Variants in ITPKB observed in about 807,000 individuals in gnomAD.
ITPKB encodes IP3 3-kinase B.
ITPKB carries 13 observed loss-of-function variants against 69.4 expected under a neutral mutation model. The observed-to-expected ratio is 0.19, with a 90% CI of 0.12 to 0.30. The LOEUF is 0.30. Ranked by LOEUF, ITPKB falls within the 10% of genes least tolerant of loss-of-function variation. The pLI, the probability that ITPKB is intolerant of heterozygous loss-of-function variation, is 1.00. For missense variants in ITPKB, 1,240 were observed against 1,250.5 expected (o/e 0.99, Z 0.13); for synonymous variants, 584 against 513.7 (o/e 1.14, Z -1.85).
At chr1:226,652,285 A>G (rs1669210236) in intron 2 of ITPKB, among the ~76,000 whole-genome samples, 1 of 152,178 alleles carries the variant, frequency 6.6e-6, no homozygotes, top group African/African-American at 2.4e-5. Context: ...ATGGTCGGGG[A>G]GACCACAGCA....
intron 2 of ITPKB, among the ~76,000 whole-genome samples, chr1:226,674,249 G>A (rs945756296): frequency 2.6e-5 from 4 of 152,196 alleles, no homozygotes; most frequent in Non-Finnish European, 5.9e-5. Flanking sequence ...GCCCAGGCTG[G>A]AGGGCAGTGG....
In ITPKB at chr1:226,732,190, A is replaced by G. The variant is rs555667336; in HGVS notation, c.1932+3337T>C. 1.1e-4 allele frequency among the ~76,000 whole-genome samples: 16 copies of G among 150,126 alleles called. No individual in the cohort carries two copies. In the South Asian group the frequency reaches 1.7e-3, roughly 16 times the overall value. On this transcript the variant is annotated intron_variant, in intron 2 of 7. Coordinates refer to ENST00000429204, the MANE Select transcript of ITPKB (RefSeq NM_002221.4). ...ACCATGAAGCCAAGGGTTTTGTATTACACTTCTTTATACACCCCACAGGTA... is the reference window on the plus strand; with the variant it reads ...ACCATGAAGCCAAGGGTTTTGTATTGCACTTCTTTATACACCCCACAGGTA...
intron 2 of ITPKB, among the ~76,000 whole-genome samples, chr1:226,664,386 C>A (rs1262684282): frequency 6.6e-6 from 1 of 152,204 alleles, no homozygotes. Flanking sequence ...TGAACGAGAG[C>A]CCCTGACCAT....
chr1:226,711,647 C>T (rs1656963341), intron 2 of ITPKB, among the ~76,000 whole-genome samples: 1 of 152,134 alleles, frequency 6.6e-6, no homozygotes, highest in Non-Finnish European at 1.5e-5. Context: ...AAATGGAAAC[C>T]TCCCAACCTG....
intron 2 of ITPKB, among the ~76,000 whole-genome samples, chr1:226,729,653 A>G (rs1167314203): frequency 6.6e-6 from 1 of 151,812 alleles, no homozygotes; most frequent in Non-Finnish European, 1.5e-5. Flanking sequence ...ATCTCGGCTC[A>G]CTGCAACCTC....
chr1:226,689,250 C>T (rs1439567580), intron 2 of ITPKB, among the ~76,000 whole-genome samples: 1 of 152,236 alleles, frequency 6.6e-6, no homozygotes, highest in Non-Finnish European at 1.5e-5. Context: ...ATTTACCCAT[C>T]CAAATAAATA....
intron 2 of ITPKB, among the ~76,000 whole-genome samples, chr1:226,718,184 C>T (rs1657140729): frequency 6.6e-6 from 1 of 151,124 alleles, no homozygotes; most frequent in Non-Finnish European, 1.5e-5. Flanking sequence ...GTCCCAGCTA[C>T]TTGGGAGGCT....
chr1:226,722,578 T>C (rs939460603), intron 2 of ITPKB, among the ~76,000 whole-genome samples: 4 of 152,214 alleles, frequency 2.6e-5, no homozygotes, highest in Admixed American at 2.0e-4. Context: ...CCATTCTGTG[T>C]ATATTTCCAG....
intron 2 of ITPKB, among the ~76,000 whole-genome samples, chr1:226,719,757 C>T (rs780834328): frequency 1.8e-4 from 27 of 152,178 alleles, no homozygotes; most frequent in South Asian, 4.1e-4. Context: ...GCAAGCCCCA[C>T]GCAGCACAGA....
At chr1:226,671,772 G>A (rs77320515) in intron 2 of ITPKB, among the ~76,000 whole-genome samples, 4 of 152,280 alleles carry the variant, frequency 2.6e-5, no homozygotes, top group East Asian at 3.9e-4. Flanking sequence ...CAGAGGGAGC[G>A]GTCAAGTGCA....
intron 2 of ITPKB, among the ~76,000 whole-genome samples, chr1:226,673,508 T>C (rs1445366318): frequency 2.0e-5 from 3 of 152,156 alleles, no homozygotes; most frequent in African/African-American, 7.2e-5. Context: ...GGCAACTAGG[T>C]GGTGGTACCA....
At chr1:226,675,500 G>C (rs976135522) in intron 2 of ITPKB, among the ~76,000 whole-genome samples, 16 of 152,194 alleles carry the variant, frequency 1.1e-4, no homozygotes, top group Non-Finnish European at 1.8e-4. Context: ...GAACTTGCAA[G>C]GAGCTGTGGG....
chr1:226,723,042 G>A (rs1274217799), intron 2 of ITPKB, among the ~76,000 whole-genome samples: 1 of 152,100 alleles, frequency 6.6e-6, no homozygotes, highest in Non-Finnish European at 1.5e-5. Context: ...GGATGCCCAG[G>A]GCTGTGGTGA....
In ITPKB at chr1:226,737,226, C is replaced by A; in HGVS notation, c.233G>T (p.Gly78Val). ...EPRSPGGWRS[G>V]RRRLNSSSGS... is the part of the protein sequence containing the mutation. ...GCTGCTACTATTCAGCCTGCGCCGG[C>A]CGCTCCGCCAGCCCCCGGGGCTCCG... The change falls in exon 2 of 8, where the codon GGC (glycine) becomes GTC (valine). Residue 78 changes from glycine to valine, a missense_variant. Transcript: ENST00000429204. 6.4e-7 allele frequency: 1 copy of A among 1,565,544 alleles called. No individual in the cohort carries two copies. Among genetic ancestry groups the A allele is most frequent in the Non-Finnish European group, 8.6e-7 (1 of 1,163,078 alleles).
chr1:226,704,182 AAG>A (rs1216271810), intron 2 of ITPKB, among the ~76,000 whole-genome samples: 1 of 152,234 alleles, frequency 6.6e-6, no homozygotes, highest in South Asian at 2.1e-4. Context: ...AGTATGAAAA[AAG>A]AGTGACTACG....
At chr1:226,667,008 C>G (rs1379029142) in intron 2 of ITPKB, among the ~76,000 whole-genome samples, 1 of 152,230 alleles carries the variant, frequency 6.6e-6, no homozygotes, top group Non-Finnish European at 1.5e-5. Context: ...GCTGGCCCCT[C>G]TGGCTGGAAG....
At chr1:226,702,418 A>G (rs1240871727) in intron 2 of ITPKB, among the ~76,000 whole-genome samples, 1 of 149,604 alleles carries the variant, frequency 6.7e-6, no homozygotes, top group Non-Finnish European at 1.5e-5. Flanking sequence ...AAAAAAAGGG[A>G]AAGTTCAACT....
intron 4 of ITPKB, among the ~76,000 whole-genome samples, chr1:226,645,550 C>T (rs1477477994): frequency 6.6e-6 from 1 of 152,252 alleles, no homozygotes; most frequent in Non-Finnish European, 1.5e-5. Context: ...GTTCTTCACA[C>T]AGGCCGTACT....
At chr1:226,670,175 CAAAAAAAAAAAAA>C (rs35767912) in intron 2 of ITPKB, among the ~76,000 whole-genome samples, 2 of 32,006 alleles carry the variant, frequency 6.2e-5, no homozygotes, top group African/African-American at 1.1e-4. Context: ...AGCTCCGCCG[CAAAAAAAAAAAAA>C]AAAAAAAAAA....
Sources: gnomAD v4.1 joint callset for allele counts (sites outside exome capture counted in the v4.1 genomes callset) on GRCh38, gnomAD v4.1.1 for gene constraint, MANE v1.5 for transcripts, NCBI Gene and HGNC (gene_info 2026-07-23, HGNC 2026-07-21) for gene names.